Variants in RFX3 observed in about 807,000 individuals in gnomAD.
RFX3 encodes regulatory factor X3.
RFX3 carries 14 observed loss-of-function variants against 98.6 expected under a neutral mutation model. The ratio of observed to expected loss-of-function variants is 0.14; its 90% confidence interval spans 0.09 to 0.22. The LOEUF is 0.22. Among genes scored for constraint, RFX3 ranks in the 10% least tolerant of loss-of-function variants. RFX3 has a pLI of 1.00. For synonymous variants in RFX3, 383 were observed against 328.4 expected (o/e 1.17, Z -1.80); for missense variants, 639 against 926.9 (o/e 0.69, Z 4.03).
At chr9:3,348,366 G>A (rs2131189684) in intron 2 of RFX3, among the ~76,000 whole-genome samples, 2 of 152,164 alleles carry the variant, frequency 1.3e-5, no homozygotes, top group East Asian at 1.9e-4. Flanking sequence ...CACTAGTGGA[G>A]TCATATGTTG....
At chr9:3,308,789 CAATT>C (rs1252340290) in intron 4 of RFX3, among the ~76,000 whole-genome samples, 1 of 151,892 alleles carries the variant, frequency 6.6e-6, no homozygotes, top group Non-Finnish European at 1.5e-5. Context: ...TGAGTGAGTT[CAATT>C]GAGTGAAGAA....
chr9:3,235,472 A>C (rs541912706), intron 15 of RFX3, among the ~76,000 whole-genome samples: 9 of 152,344 alleles, frequency 5.9e-5, no homozygotes, highest in South Asian at 4.1e-4. Context: ...CTGCTGCAAC[A>C]AATCACCACA....
At chr9:3,340,111 C>CAG (rs1833694810) in intron 3 of RFX3, among the ~76,000 whole-genome samples, 1 of 152,146 alleles carries the variant, frequency 6.6e-6, no homozygotes, top group Non-Finnish European at 1.5e-5. Flanking sequence ...TATCTACAAC[C>CAG]ATCTGATCTT....
intron 1 of RFX3, among the ~76,000 whole-genome samples, chr9:3,455,162 C>G (rs1307154481): frequency 2.0e-5 from 3 of 152,176 alleles, no homozygotes; most frequent in Non-Finnish European, 4.4e-5. Context: ...ATGTTTTTCA[C>G]TGTTTCTAGG....
Position 3,248,202 on chromosome 9 carries a change from GAC to G in RFX3, c.1815-19_1815-18del. 6.3e-7 allele frequency: 1 copy of G among 1,581,016 alleles called. No individual in the cohort carries two copies. The highest frequency in any genetic ancestry group is 8.6e-7 in the Non-Finnish European group (1 of 1,163,160). ...ACCATTGAGCTGTTCCAAGAGAAAA[GAC>G]AAATATGCAGCTAACATTAGTGACA... On this transcript the variant is annotated intron_variant, in intron 14 of 16. Coordinates refer to ENST00000617270, the MANE Select transcript of RFX3 (RefSeq NM_001282116.2).
intron 1 of RFX3, among the ~76,000 whole-genome samples, chr9:3,410,161 C>CCGTGTGTGTGTGTGTGTGTG (rs774965073): frequency 2.6e-5 from 3 of 114,052 alleles, no homozygotes; most frequent in African/African-American, 1.0e-4. Context: ...GTGAGATAAA[C>CCGTGTGTGTGTGTGTGTGTG]TGTGTGTGTG....
rs925245462 is a variant in RFX3, at chr9:3,397,031, C to T, written c.-8-1435G>A. ...GTCTTATACAAAGATAGCCCCAAAT[C>T]CATAACATTTAATACAGTTGAAAGA... is the stretch of plus-strand genomic sequence containing the variant. On this transcript the variant is annotated intron_variant, in intron 1 of 16. Transcript: ENST00000617270. Among the ~76,000 whole-genome samples, 7 of 152,074 alleles carry T rather than the reference C, an allele frequency of 4.6e-5. No individual in the cohort carries two copies. In the South Asian group the frequency reaches 8.3e-4, roughly 18 times the overall value.
At chr9:3,486,061 G>A (rs1850241784) in intron 1 of RFX3, among the ~76,000 whole-genome samples, 1 of 142,096 alleles carries the variant, frequency 7.0e-6, no homozygotes, top group Non-Finnish European at 1.5e-5. Flanking sequence ...GGAGGCGGAG[G>A]TTGCAGTGAG....
chr9:3,505,282 A>ATTTATATATATATGAATATATG (rs1816887048), intron 1 of RFX3, among the ~76,000 whole-genome samples: 1 of 69,610 alleles, frequency 1.4e-5, no homozygotes, highest in South Asian at 5.1e-4. Context: ...ATGAATATAT[A>ATTTATATATATATGAATATATG]CATTTTTATA....
intron 3 of RFX3, among the ~76,000 whole-genome samples, chr9:3,338,319 T>C (rs1033680845): frequency 2.0e-5 from 3 of 152,242 alleles, no homozygotes; most frequent in African/African-American, 4.8e-5. Flanking sequence ...TATTCAGCCA[T>C]TGCTACAGCT....
At chr9:3,425,304 G>T (rs1843905221) in intron 1 of RFX3, among the ~76,000 whole-genome samples, 2 of 152,194 alleles carry the variant, frequency 1.3e-5, no homozygotes, top group Non-Finnish European at 2.9e-5. Context: ...AAACAAACTA[G>T]AAATGTGGTA....
chr9:3,321,662 T>C (rs576469244), intron 4 of RFX3, among the ~76,000 whole-genome samples: 69 of 152,330 alleles, frequency 4.5e-4, no homozygotes, highest in Middle Eastern at 6.8e-3. Context: ...ATTGCCTTTG[T>C]TTATTGTGGT....
chr9:3,221,293 TAGAC>T lies in RFX3; in HGVS notation c.*3745_*3748del. 6.6e-6 allele frequency: 1 copy of T among 152,292 alleles called. No individual in the cohort carries two copies. Among genetic ancestry groups the T allele is most frequent in the South Asian group, 2.1e-4 (1 of 4,814 alleles). 9.4% of individuals were successfully genotyped at this position (152,292 alleles called of 1,614,324 possible). ...AATTTGAAAATGCATTTAGCACTTT[TAGAC>T]AGTGCATTCATATAAAAAGATTCAT... On this transcript the variant is annotated 3_prime_UTR_variant, in exon 17 of 17. Transcript: ENST00000617270.
chr9:3,290,924 TCTC>T (rs1299195083), intron 6 of RFX3, among the ~76,000 whole-genome samples: 1 of 152,072 alleles, frequency 6.6e-6, no homozygotes, highest in Non-Finnish European at 1.5e-5. Flanking sequence ...CCTCACTCCT[TCTC>T]CTCTGAAGCA....
intron 15 of RFX3, among the ~76,000 whole-genome samples, chr9:3,240,897 G>T (rs1394698714): frequency 6.6e-6 from 1 of 152,148 alleles, no homozygotes; most frequent in Non-Finnish European, 1.5e-5. Flanking sequence ...CTATGCCAGG[G>T]AATCTTTTTC....
intron 4 of RFX3, among the ~76,000 whole-genome samples, chr9:3,321,605 C>A (rs1831330432): frequency 1.3e-5 from 2 of 152,060 alleles, no homozygotes; most frequent in Non-Finnish European, 2.9e-5. Flanking sequence ...AAAATTAGTC[C>A]TTTGAGTATA....
rs999560754 is a variant in RFX3 at position 3,500,512 on chromosome 9, A to G, written c.-9+25235T>C. Among the ~76,000 whole-genome samples the G allele has an allele frequency of 7.2e-5, 11 of 152,324 alleles. No homozygotes were observed. In the South Asian group the frequency reaches 1.4e-3, roughly 20 times the overall value. ...AAAAAAGTTCTTAAAAGATTCAGTG[A>G]TGTCAGCAGACACAATGTAAAAACC... is the stretch of plus-strand genomic sequence containing the variant. On this transcript the variant is annotated intron_variant, in intron 1 of 16. Coordinates refer to ENST00000617270, the MANE Select transcript of RFX3 (RefSeq NM_001282116.2).
At chr9:3,423,153 T>G (rs1042962504) in intron 1 of RFX3, among the ~76,000 whole-genome samples, 2 of 152,022 alleles carry the variant, frequency 1.3e-5, no homozygotes, top group Non-Finnish European at 2.9e-5. Context: ...AAACAATGAG[T>G]AGATACAGAG....
At chr9:3,268,441 C>T (rs1250330085) in intron 11 of RFX3, among the ~76,000 whole-genome samples, 1 of 151,620 alleles carries the variant, frequency 6.6e-6, no homozygotes, top group East Asian at 1.9e-4. Context: ...TGACTTGTCT[C>T]AACCTGCTCA....
Sources: allele counts gnomAD v4.1 joint callset (sites outside exome capture counted in the v4.1 genomes callset), GRCh38; gene constraint gnomAD v4.1.1; transcripts MANE v1.5; gene names NCBI Gene and HGNC (gene_info 2026-07-23, HGNC 2026-07-21).